GNA12: variants seen among roughly 807,000 people sequenced by gnomAD.
The protein encoded by GNA12 is guanine nucleotide-binding protein subunit alpha-12.
GNA12 carries 9 observed loss-of-function variants against 26.0 expected under a neutral mutation model. The observed-to-expected ratio is 0.35, with a 90% CI of 0.21 to 0.60. The LOEUF is 0.60. Among genes scored for constraint, GNA12 ranks in the 20% least tolerant of loss-of-function variants. The probability of loss-of-function intolerance (pLI) is 0.78; values close to 1 mark genes in which losing one functional copy is unlikely to be tolerated. For synonymous variants in GNA12, 264 were observed against 219.6 expected, an observed-to-expected ratio of 1.20 and a Z score of -1.79; for missense variants, 405 against 525.8, an observed-to-expected ratio of 0.77 and a Z score of 2.25.
intron 2 of GNA12, among the ~76,000 whole-genome samples, chr7:2,748,393 G>A (rs1274928151): frequency 4.6e-5 from 7 of 152,080 alleles, no homozygotes; most frequent in Admixed American, 6.6e-5. Flanking sequence ...AAACCTGACA[G>A]AAACAAGCAA....
At chr7:2,739,444 GGC>G (rs1325904164) in intron 2 of GNA12, among the ~76,000 whole-genome samples, 2 of 152,120 alleles carry the variant, frequency 1.3e-5, no homozygotes, top group Non-Finnish European at 2.9e-5. Context: ...CCCATGCTGT[GGC>G]ACAGGCCAGT....
intron 2 of GNA12, among the ~76,000 whole-genome samples, chr7:2,774,266 T>C (rs1385954186): frequency 6.6e-6 from 1 of 152,188 alleles, no homozygotes; most frequent in Non-Finnish European, 1.5e-5. Context: ...CACACATGCA[T>C]GCATATATAT....
chr7:2,835,590 C>T, intron 1 of GNA12: 1 of 593,740 alleles, frequency 1.7e-6, no homozygotes, highest in African/African-American at 1.9e-5. Context: ...GGGCAAAGTC[C>T]CATTGTCTCA....
intron 1 of GNA12, among the ~76,000 whole-genome samples, chr7:2,816,082 G>C (rs1442281214): frequency 6.6e-6 from 1 of 152,238 alleles, no homozygotes; most frequent in East Asian, 1.9e-4. Flanking sequence ...GACACACAGT[G>C]CAGCACTGTT....
At chr7:2,833,231 A>G (rs1397687840) in intron 1 of GNA12, among the ~76,000 whole-genome samples, 2 of 152,228 alleles carry the variant, frequency 1.3e-5, no homozygotes, top group East Asian at 3.8e-4. Flanking sequence ...ACTGCCCTTC[A>G]GGTGATGCAA....
chr7:2,831,190 A>C (rs1793597455), intron 1 of GNA12, among the ~76,000 whole-genome samples: 1 of 151,792 alleles, frequency 6.6e-6, no homozygotes. Context: ...TGCTACGGTC[A>C]TACCAGATAA....
intron 1 of GNA12, chr7:2,814,872 C>T: frequency 1.2e-6 from 2 of 1,601,908 alleles, no homozygotes; most frequent in East Asian, 2.3e-5. Flanking sequence ...ACAGCACTCA[C>T]TCACACGACT....
intron 1 of GNA12, among the ~76,000 whole-genome samples, chr7:2,833,200 G>C (rs953225621): frequency 6.6e-6 from 1 of 152,140 alleles, no homozygotes; most frequent in Non-Finnish European, 1.5e-5. Context: ...GAAATGAGCC[G>C]GCCTGTCATC....
At chr7:2,733,421 C>T (rs1483276485) in intron 3 of GNA12, 30 bp downstream of exon 3, 5 of 1,607,562 alleles carry the variant, frequency 3.1e-6, no homozygotes, top group Non-Finnish European at 4.3e-6. Flanking sequence ...CCCTGGAGCC[C>T]AGCTTCTTCG....
At chr7:2,744,719 C>A (rs944058032) in intron 2 of GNA12, among the ~76,000 whole-genome samples, 2 of 152,112 alleles carry the variant, frequency 1.3e-5, no homozygotes, top group Non-Finnish European at 2.9e-5. Flanking sequence ...TCAAACTACT[C>A]TGAGCTACAG....
intron 1 of GNA12, among the ~76,000 whole-genome samples, chr7:2,795,963 G>A (rs1328345235): frequency 2.6e-5 from 4 of 151,880 alleles, no homozygotes; most frequent in Non-Finnish European, 4.4e-5. Context: ...TAGGATTACA[G>A]GTACCTGCCA....
rs55764600 is a variant in GNA12 at position 2,837,665 on chromosome 7, T to C, written c.309+6188A>G. 9.3e-3 allele frequency among the ~76,000 whole-genome samples: 1,417 copies of C among 152,228 alleles called. 11 individuals carry two copies. Among genetic ancestry groups the C allele is most frequent in the Middle Eastern group, 0.027 (8 of 294 alleles). ...TTTCTCTTCTGAAACAATGTGAAGG[T>C]ATCCTTCAGGAATGAAGAGGAAATA... On this transcript the variant is annotated intron_variant, in intron 1 of 3. Transcript: ENST00000275364.
chr7:2,740,323 T>C (rs959460704), intron 2 of GNA12, among the ~76,000 whole-genome samples: 7 of 152,286 alleles, frequency 4.6e-5, no homozygotes, highest in Non-Finnish European at 4.4e-5. Flanking sequence ...GGGAGGTGAC[T>C]GAAGGTAGGG....
intron 2 of GNA12, among the ~76,000 whole-genome samples, chr7:2,753,018 C>T (rs962797974): frequency 1.3e-5 from 2 of 152,226 alleles, no homozygotes; most frequent in Non-Finnish European, 2.9e-5. Flanking sequence ...CATCCTCCTT[C>T]TTCCACCATC....
chr7:2,800,546 C>T (rs1327077055), intron 1 of GNA12, among the ~76,000 whole-genome samples: 1 of 152,208 alleles, frequency 6.6e-6, no homozygotes, highest in African/African-American at 2.4e-5. Flanking sequence ...ATCTTTGCAA[C>T]CTCCTGTGAA....
At chr7:2,801,318 A>G (rs1478443308) in intron 1 of GNA12, among the ~76,000 whole-genome samples, 1 of 152,174 alleles carries the variant, frequency 6.6e-6, no homozygotes, top group Non-Finnish European at 1.5e-5. Context: ...TAAATCAATA[A>G]CCCCTAGGAA....
At chr7:2,802,298 C>T (rs1263909122) in intron 1 of GNA12, among the ~76,000 whole-genome samples, 1 of 148,188 alleles carries the variant, frequency 6.7e-6, no homozygotes. Context: ...TCAAACTGTT[C>T]AGACAGCATA....
intron 1 of GNA12, among the ~76,000 whole-genome samples, chr7:2,820,575 A>G (rs117167334): frequency 3.3e-3 from 495 of 152,176 alleles, no homozygotes; most frequent in Non-Finnish European, 5.4e-3. Context: ...ATTGAAAAAG[A>G]AAGTCCCAAG....
intron 1 of GNA12, chr7:2,835,683 A>G (rs977065987): frequency 3.8e-6 from 4 of 1,054,554 alleles, no homozygotes; most frequent in Non-Finnish European, 5.9e-6. Flanking sequence ...AAGAGCAACA[A>G]AAGATAAACA....
Sources: allele counts gnomAD v4.1 joint callset (sites outside exome capture counted in the v4.1 genomes callset), GRCh38; gene constraint gnomAD v4.1.1; transcripts MANE v1.5; gene names NCBI Gene and HGNC (gene_info 2026-07-23, HGNC 2026-07-21).